HDAC9: variants seen among roughly 807,000 people sequenced by gnomAD.
HDAC9 encodes MEF-2 interacting transcription repressor (MITR) protein.
Under a neutral mutation model 139.4 loss-of-function variants are expected in HDAC9, and 41 were observed. The ratio of observed to expected loss-of-function variants is 0.29; its 90% CI spans 0.23 to 0.38. HDAC9 has a LOEUF of 0.38. HDAC9 is among the 10% of genes least tolerant of loss of function. The pLI is 1.00. For missense variants in HDAC9, 1,147 were observed against 1,297.0 expected (o/e 0.88, Z 1.78); for synonymous variants, 517 against 476.2 (o/e 1.09, Z -1.12).
intron 21 of HDAC9, among the ~76,000 whole-genome samples, chr7:18,853,541 T>C (rs568662409): frequency 1.3e-5 from 2 of 152,318 alleles, no homozygotes; most frequent in Admixed American, 1.3e-4. Flanking sequence ...ACAAAATATA[T>C]TCAGAACATC....
chr7:18,181,697 T>G (rs2128141307), intron 2 of HDAC9, among the ~76,000 whole-genome samples: 1 of 152,212 alleles, frequency 6.6e-6, no homozygotes, highest in South Asian at 2.1e-4. Context: ...CTTTACAAAC[T>G]ACTCATACCT....
At chr7:18,482,504 C>T (rs546269400) in intron 1 of HDAC9, among the ~76,000 whole-genome samples, 2 of 146,416 alleles carry the variant, frequency 1.4e-5, no homozygotes, top group Admixed American at 1.4e-4. Context: ...GTCTTGATCT[C>T]AGTTATCTTC....
chr7:18,290,915 GTCT>G (rs1797764631), intron 1 of HDAC9, among the ~76,000 whole-genome samples: 2 of 152,264 alleles, frequency 1.3e-5, no homozygotes, highest in South Asian at 4.1e-4. Flanking sequence ...GTCTTCTGTT[GTCT>G]TCTTTGTGGT....
At chr7:18,422,916 T>G (rs1428254396) in intron 1 of HDAC9, among the ~76,000 whole-genome samples, 1 of 152,162 alleles carries the variant, frequency 6.6e-6, no homozygotes, top group African/African-American at 2.4e-5. Context: ...AGAGGTTAGG[T>G]CTCAAAACTT....
intron 16 of HDAC9, among the ~76,000 whole-genome samples, chr7:18,788,741 C>A (rs984565964): frequency 7.4e-6 from 1 of 134,590 alleles, no homozygotes; most frequent in Non-Finnish European, 1.6e-5. Context: ...GATGACAGAG[C>A]GAGACTCTGT....
At chr7:18,339,786 A>G (rs1168117376) in intron 1 of HDAC9, among the ~76,000 whole-genome samples, 1 of 151,518 alleles carries the variant, frequency 6.6e-6, no homozygotes, top group African/African-American at 2.4e-5. Context: ...AAATTTCTTG[A>G]GATGTGTTAT....
chr7:18,591,695 G>A, intron 5 of HDAC9, 53 bp downstream of exon 5: 1 of 1,592,698 alleles, frequency 6.3e-7, no homozygotes, highest in Non-Finnish European at 8.6e-7. Flanking sequence ...CACAGGTTCT[G>A]TATTTAGCCG....
At chr7:18,628,338 C>G (rs1462177102) in intron 6 of HDAC9, among the ~76,000 whole-genome samples, 1 of 152,030 alleles carries the variant, frequency 6.6e-6, no homozygotes, top group Non-Finnish European at 1.5e-5. Flanking sequence ...TTGATCTAAT[C>G]AAATTATAAA....
At chr7:18,817,066 G>A (rs528699683) in intron 17 of HDAC9, among the ~76,000 whole-genome samples, 8 of 146,918 alleles carry the variant, frequency 5.4e-5, no homozygotes, top group African/African-American at 1.5e-4. Context: ...ATGGAGTCTC[G>A]CGCTGTCGCC....
chr7:18,376,134 C>A (rs755701335), intron 1 of HDAC9, among the ~76,000 whole-genome samples: 2 of 151,974 alleles, frequency 1.3e-5, no homozygotes, highest in Non-Finnish European at 2.9e-5. Flanking sequence ...AGAAATGAGG[C>A]CCTGGAGGGA....
intron 1 of HDAC9, among the ~76,000 whole-genome samples, chr7:18,475,027 T>C (rs1317385799): frequency 6.6e-6 from 1 of 152,350 alleles, no homozygotes; most frequent in East Asian, 1.9e-4. Context: ...CTAAAGTTCA[T>C]TATAGGCTGT....
At chr7:18,624,151 T>C (rs977385253) in intron 6 of HDAC9, among the ~76,000 whole-genome samples, 1 of 152,184 alleles carries the variant, frequency 6.6e-6, no homozygotes, top group Admixed American at 6.5e-5. Flanking sequence ...ATCCTAATTT[T>C]TTAACCTTTG....
intron 2 of HDAC9, among the ~76,000 whole-genome samples, chr7:18,222,668 C>T (rs1399402822): frequency 2.6e-5 from 4 of 152,134 alleles, no homozygotes; most frequent in Non-Finnish European, 5.9e-5. Context: ...TTGCTGTCTA[C>T]ATATTTAAAA....
chr7:18,198,416 T>A (rs1367407035), intron 2 of HDAC9, among the ~76,000 whole-genome samples: 1 of 152,174 alleles, frequency 6.6e-6, no homozygotes, highest in African/African-American at 2.4e-5. Context: ...TGTAAAATCT[T>A]CTCTTAGAGT....
At chr7:18,250,288 T>A (rs1305422192) in intron 2 of HDAC9, among the ~76,000 whole-genome samples, 2 of 152,212 alleles carry the variant, frequency 1.3e-5, no homozygotes, top group Non-Finnish European at 2.9e-5. Flanking sequence ...GAAATTAGTG[T>A]CTCAGTAAAA....
chr7:18,173,606 G>T (rs9638750), intron 2 of HDAC9, among the ~76,000 whole-genome samples: 1 of 151,876 alleles, frequency 6.6e-6, no homozygotes, highest in African/African-American at 2.4e-5. Context: ...TTTCCTTTCC[G>T]TGTTTAGTGC....
intron 16 of HDAC9, among the ~76,000 whole-genome samples, chr7:18,784,075 T>G (rs1199607830): frequency 6.6e-6 from 1 of 151,984 alleles, no homozygotes; most frequent in Non-Finnish European, 1.5e-5. Flanking sequence ...GGCTACTTCT[T>G]TAGCCCTAAT....
intron 2 of HDAC9, among the ~76,000 whole-genome samples, chr7:18,503,628 T>A (rs553462801): frequency 6.6e-6 from 1 of 152,290 alleles, no homozygotes; most frequent in South Asian, 2.1e-4. Context: ...TTAAATCCAA[T>A]GAAAACCACT....
rs561035084 is a variant in HDAC9, at chr7:18,962,833, T to G, written c.3022+8603T>G. ...CACATAATTCTGCAATACACAGTTC[T>G]TTCCTCATTTTGTTCATGAATAACT... is the stretch of plus-strand genomic sequence containing the variant. On this transcript the variant is annotated intron_variant, in intron 24 of 25. Coordinates refer to ENST00000686413, the MANE Select transcript of HDAC9 (RefSeq NM_178425.4). Among the ~76,000 whole-genome samples, 6 of 152,344 alleles carry G rather than the reference T, an allele frequency of 3.9e-5. No individual in the cohort carries two copies. The East Asian group carries it at 1.2e-3, about 29-fold the overall frequency.
Sources: gnomAD v4.1 joint callset for allele counts (sites outside exome capture counted in the v4.1 genomes callset) on GRCh38, gnomAD v4.1.1 for gene constraint, MANE v1.5 for transcripts, NCBI Gene and HGNC (gene_info 2026-07-23, HGNC 2026-07-21) for gene names.